WDR59: variants seen among roughly 807,000 people sequenced by gnomAD.
WDR59 encodes WD repeat domain 59, also known as GATOR2 complex protein WDR59.
In WDR59, 100 loss-of-function variants were observed where a neutral mutation model predicts 131.2. The ratio of observed to expected loss-of-function variants is 0.76; its 90% CI spans 0.65 to 0.90. WDR59 has a LOEUF of 0.90. Ranked by LOEUF, WDR59 falls within the 40% of genes least tolerant of loss-of-function variation. The probability of loss-of-function intolerance (pLI) is 0.00; values close to 1 mark genes in which losing one functional copy is unlikely to be tolerated. For missense variants in WDR59, 1,203 were observed against 1,262.2 expected, an observed-to-expected ratio of 0.95 and a Z score of 0.71; for synonymous variants, 601 against 466.2, an observed-to-expected ratio of 1.29 and a Z score of -3.72.
intron 6 of WDR59, among the ~76,000 whole-genome samples, chr16:74,945,120 T>C (rs2032520154): frequency 6.6e-6 from 1 of 151,356 alleles, no homozygotes; most frequent in Non-Finnish European, 1.5e-5. Context: ...CAAGACTCCA[T>C]CTCAAATAAA....
At chr16:74,901,894 T>A (rs1413821024) in intron 18 of WDR59, among the ~76,000 whole-genome samples, 4 of 152,108 alleles carry the variant, frequency 2.6e-5, no homozygotes, top group African/African-American at 9.7e-5. Context: ...ATAAACGGGA[T>A]GGATGTGAAC....
intron 1 of WDR59, among the ~76,000 whole-genome samples, chr16:74,967,457 G>C (rs143141909): frequency 6.6e-6 from 1 of 152,136 alleles, no homozygotes; most frequent in African/African-American, 2.4e-5. Context: ...CCAGGCCCTT[G>C]GTATATACAC....
chr16:74,916,451 A>G lies in WDR59; in HGVS notation c.967-192T>C, dbSNP rs573057399. On this transcript the variant is annotated intron_variant, in intron 11 of 25. Coordinates refer to ENST00000262144, the MANE Select transcript of WDR59 (RefSeq NM_030581.4). Reference sequence around the variant, plus strand: ...TTAAACACCAGGGATAACAGACTCTATTATTCAACACTGGAAATTTTTTCA... The same window carrying G: ...TTAAACACCAGGGATAACAGACTCTGTTATTCAACACTGGAAATTTTTTCA... Among the ~76,000 whole-genome samples, 113 of 152,328 alleles carry G rather than the reference A, an allele frequency of 7.4e-4. 2 individuals are homozygous for G. The highest frequency in any genetic ancestry group is 3.4e-3 in the Middle Eastern group (1 of 294).
intron 23 of WDR59, 92 bp downstream of exon 23, chr16:74,887,591 A>T (rs931548886): frequency 3.2e-5 from 39 of 1,207,570 alleles, no homozygotes; most frequent in Non-Finnish European, 4.4e-5. Flanking sequence ...AATAAGAAAA[A>T]ATATGGAGAC....
At position 74,973,315 on chromosome 16, in the gene WDR59, C is replaced by CG. The variant is rs55817348; in HGVS notation, c.55-7494dup. 3.1e-3 allele frequency among the ~76,000 whole-genome samples: 473 copies of CG among 151,946 alleles called. 2 individuals are homozygous for CG. The highest frequency in any genetic ancestry group is 0.011 in the African/African-American group (449 of 41,448). On this transcript the variant is annotated intron_variant, in intron 1 of 25. Coordinates refer to ENST00000262144, the MANE Select transcript of WDR59 (RefSeq NM_030581.4). ...GTTTTGCTTTTTAGATTGGGGTTGG[C>CG]GGGGGGGCCGGTCTCTCTCCATCAC...
At chr16:74,983,582 A>C (rs1567452292) in intron 1 of WDR59, among the ~76,000 whole-genome samples, 2 of 152,178 alleles carry the variant, frequency 1.3e-5, no homozygotes, top group Admixed American at 6.5e-5. Flanking sequence ...CACTATGAGT[A>C]AAGTAGTCCA....
intron 1 of WDR59, among the ~76,000 whole-genome samples, chr16:74,983,264 G>A (rs535742918): frequency 2.0e-5 from 3 of 152,070 alleles, no homozygotes; most frequent in Admixed American, 1.3e-4. Flanking sequence ...CTTGAGGCCA[G>A]GAGTTCAAGA....
intron 2 of WDR59, among the ~76,000 whole-genome samples, chr16:74,959,835 G>GAA (rs572556438): frequency 1.1e-5 from 1 of 91,148 alleles, no homozygotes; most frequent in Non-Finnish European, 2.4e-5. Context: ...ATAACAATAA[G>GAA]AAAAAAAAAA....
intron 18 of WDR59, among the ~76,000 whole-genome samples, chr16:74,901,840 T>C (rs1052128558): frequency 6.6e-6 from 1 of 151,418 alleles, no homozygotes; most frequent in South Asian, 2.1e-4. Flanking sequence ...ACGTAAGATA[T>C]CATGGCCATA....
chr16:74,878,655 G>C (rs1400227069), intron 25 of WDR59, among the ~76,000 whole-genome samples: 1 of 151,192 alleles, frequency 6.6e-6, no homozygotes, highest in Admixed American at 6.6e-5. Context: ...CCACCCCCTC[G>C]CCAAAAAAAA....
intron 18 of WDR59, among the ~76,000 whole-genome samples, chr16:74,898,387 A>T (rs1037232690): frequency 6.6e-6 from 1 of 152,218 alleles, no homozygotes; most frequent in South Asian, 2.1e-4. Context: ...TGCTCCATCA[A>T]TAGAAAATGT....
chr16:74,887,970 A>G (rs1365598925), intron 22 of WDR59, among the ~76,000 whole-genome samples, 199 bp downstream of exon 22: 1 of 151,980 alleles, frequency 6.6e-6, no homozygotes, highest in African/African-American at 2.4e-5. Flanking sequence ...CCACAAAAAT[A>G]TACCAAGAGT....
chr16:74,961,765 T>C (rs550691775), intron 2 of WDR59, among the ~76,000 whole-genome samples: 12 of 152,344 alleles, frequency 7.9e-5, no homozygotes, highest in African/African-American at 2.2e-4. Flanking sequence ...TGATAGTTTC[T>C]TTTGCTGTGC....
At chr16:74,969,109 G>A (rs1407885967) in intron 1 of WDR59, among the ~76,000 whole-genome samples, 1 of 152,226 alleles carries the variant, frequency 6.6e-6, no homozygotes. Flanking sequence ...CACACTGCAA[G>A]TGAGGAGGGG....
At chr16:74,904,980 C>A (rs370526801) in intron 17 of WDR59, among the ~76,000 whole-genome samples, 5 of 152,236 alleles carry the variant, frequency 3.3e-5, no homozygotes, top group Non-Finnish European at 7.3e-5. Flanking sequence ...CCTTAACTCA[C>A]ATTACATGCA....
chr16:74,897,112 C>A (rs904838383), intron 18 of WDR59, among the ~76,000 whole-genome samples: 1 of 152,224 alleles, frequency 6.6e-6, no homozygotes, highest in Non-Finnish European at 1.5e-5. Context: ...GAGATTGGCA[C>A]TGGATTCCAG....
intron 20 of WDR59, among the ~76,000 whole-genome samples, chr16:74,891,861 T>C (rs1354850672): frequency 6.6e-6 from 1 of 151,962 alleles, no homozygotes; most frequent in Non-Finnish European, 1.5e-5. Flanking sequence ...GAGGCGGAGG[T>C]TGTGGTGAGC....
chr16:74,954,128 G>C (rs2033159481), intron 3 of WDR59, among the ~76,000 whole-genome samples: 1 of 152,098 alleles, frequency 6.6e-6, no homozygotes, highest in Admixed American at 6.6e-5. Flanking sequence ...CCACAATAAG[G>C]CTGGGTGCGG....
At chr16:74,916,866 A>AAAC (rs1966413861) in intron 11 of WDR59, among the ~76,000 whole-genome samples, 1 of 151,656 alleles carries the variant, frequency 6.6e-6, no homozygotes, top group East Asian at 1.9e-4. Flanking sequence ...CTCAAAAAAA[A>AAAC]AAAAACGAAA....
Sources: gnomAD v4.1 joint callset for allele counts (sites outside exome capture counted in the v4.1 genomes callset) on GRCh38, gnomAD v4.1.1 for gene constraint, MANE v1.5 for transcripts, NCBI Gene and HGNC (gene_info 2026-07-23, HGNC 2026-07-21) for gene names.